The following KIZ variants were observed in gnomAD, a reference collection of about 807,000 sequenced individuals.
KIZ encodes the protein centrosomal protein kizuna.
A neutral mutation model predicts 79.6 loss-of-function variants in KIZ; 68 were observed. The observed-to-expected ratio is 0.85, with a 90% CI of 0.70 to 1.05. The LOEUF (loss-of-function observed/expected upper bound fraction) is 1.05, where lower values mean the gene tolerates loss of function less well. Among genes scored for constraint, KIZ ranks in the 50% least tolerant of loss-of-function variants. KIZ has a pLI of 0.00. For synonymous variants in KIZ, 280 were observed against 281.8 expected (o/e 0.99, Z 0.06); for missense variants, 797 against 800.4 (o/e 1.00, Z 0.05).
At chr20:21,134,378 C>T (rs924944110) in intron 2 of KIZ, among the ~76,000 whole-genome samples, 3 of 152,086 alleles carry the variant, frequency 2.0e-5, no homozygotes, top group Non-Finnish European at 2.9e-5. Context: ...CAGCTCTGAG[C>T]CGGTGACCTT....
In KIZ at chr20:21,155,903, C is replaced by T. The variant is rs2033358408; in HGVS notation, c.406-5968C>T. On this transcript the variant is annotated intron_variant, in intron 4 of 12. Transcript: ENST00000619189. ...GCTGCTTTTTCTATTAGCTTTATTT[C>T]CTTATTATGATGGATTTCCATATAG... Among the ~76,000 whole-genome samples the T allele has an allele frequency of 2.0e-5, 3 of 152,048 alleles. No individual in the cohort carries two copies. The South Asian group carries it at 6.2e-4, about 32-fold the overall frequency.
chr20:21,189,141 A>G (rs534951422), intron 6 of KIZ, among the ~76,000 whole-genome samples: 11 of 152,266 alleles, frequency 7.2e-5, no homozygotes, highest in African/African-American at 2.6e-4. Context: ...ACCATCCTGC[A>G]TGCTGTTTAT....
intron 9 of KIZ, among the ~76,000 whole-genome samples, chr20:21,217,170 C>T (rs1401189848): frequency 6.6e-6 from 1 of 152,174 alleles, no homozygotes; most frequent in African/African-American, 2.4e-5. Context: ...CTTAGCAAAG[C>T]CATACACATT....
chr20:21,218,199 C>T (rs143877945), intron 9 of KIZ: 4 of 152,242 alleles, frequency 2.6e-5, no homozygotes, highest in African/African-American at 9.6e-5. Flanking sequence ...CCAATTTCCA[C>T]TTAGTCCCAT....
intron 12 of KIZ, chr20:21,245,315 G>T (rs2037352482): frequency 6.6e-6 from 1 of 152,106 alleles, no homozygotes; most frequent in Non-Finnish European, 1.5e-5. Flanking sequence ...ACCTACTGTG[G>T]GGGAGACAAG....
chr20:21,211,781 G>A (rs75900370), intron 7 of KIZ, among the ~76,000 whole-genome samples: 2,417 of 152,256 alleles, frequency 0.016, 70 homozygotes, highest in African/African-American at 0.056. Context: ...TGTTACAGAC[G>A]TTTTCCTGAC....
At chr20:21,187,812 T>C (rs2034948695) in intron 6 of KIZ, among the ~76,000 whole-genome samples, 1 of 152,244 alleles carries the variant, frequency 6.6e-6, no homozygotes, top group African/African-American at 2.4e-5. Flanking sequence ...ATAGAACTGA[T>C]TATAATGTCT....
chr20:21,230,693 G>A (rs1243171254), intron 10 of KIZ, among the ~76,000 whole-genome samples: 1 of 152,162 alleles, frequency 6.6e-6, no homozygotes, highest in Non-Finnish European at 1.5e-5. Context: ...GGGAGAGCCG[G>A]CCATTGTGGT....
chr20:21,164,233 C>G (rs1010375587), intron 6 of KIZ, among the ~76,000 whole-genome samples: 2 of 152,178 alleles, frequency 1.3e-5, no homozygotes, highest in Non-Finnish European at 2.9e-5. Context: ...TGCCTCTTAC[C>G]ATTCATTGTC....
At chr20:21,137,766 AT>A (rs1188624686) in intron 3 of KIZ, among the ~76,000 whole-genome samples, 1 of 152,084 alleles carries the variant, frequency 6.6e-6, no homozygotes, top group Admixed American at 6.5e-5. Flanking sequence ...GTCTAAGAAG[AT>A]TAAAAATGAT....
At chr20:21,235,530 A>G (rs2036975212) in intron 11 of KIZ, among the ~76,000 whole-genome samples, 1 of 152,176 alleles carries the variant, frequency 6.6e-6, no homozygotes, top group Non-Finnish European at 1.5e-5. Context: ...TCAGGGGTGC[A>G]TGCCAGAGCT....
intron 3 of KIZ, among the ~76,000 whole-genome samples, chr20:21,141,823 A>ACT (rs1229173337): frequency 0.033 from 3,397 of 103,936 alleles, 56 homozygotes; most frequent in Middle Eastern, 0.083. Context: ...ACACACACAC[A>ACT]CTCTCTCTCT....
At chr20:21,155,036 G>A (rs2033307833) in intron 4 of KIZ, among the ~76,000 whole-genome samples, 3 of 152,170 alleles carry the variant, frequency 2.0e-5, no homozygotes, top group Admixed American at 2.0e-4. Flanking sequence ...CTCATTTTTT[G>A]TTATAAAAGT....
chr20:21,207,319 A>G (rs898333706), intron 7 of KIZ, among the ~76,000 whole-genome samples: 3 of 151,754 alleles, frequency 2.0e-5, no homozygotes, highest in East Asian at 1.9e-4. Flanking sequence ...CTTTTTTTTT[A>G]TAACATTTCA....
At chr20:21,139,378 T>TA (rs1035954220) in intron 3 of KIZ, among the ~76,000 whole-genome samples, 6 of 152,146 alleles carry the variant, frequency 3.9e-5, no homozygotes, top group Admixed American at 3.9e-4. Context: ...GAAACCAAGA[T>TA]ATATGGTTAA....
At chr20:21,187,308 C>G (rs183871950) in intron 6 of KIZ, among the ~76,000 whole-genome samples, 171 of 152,268 alleles carry the variant, frequency 1.1e-3, no homozygotes, top group Non-Finnish European at 1.7e-3. Context: ...CCAGGCATTT[C>G]ACTGTTATCA....
intron 6 of KIZ, among the ~76,000 whole-genome samples, chr20:21,190,011 G>A (rs1600493028): frequency 6.6e-6 from 1 of 152,302 alleles, no homozygotes; most frequent in South Asian, 2.1e-4. Flanking sequence ...GTTTAACTAT[G>A]TATGTGTTTG....
At chr20:21,134,894 G>A (rs991156545) in intron 2 of KIZ, among the ~76,000 whole-genome samples, 3 of 151,702 alleles carry the variant, frequency 2.0e-5, no homozygotes, top group Admixed American at 6.6e-5. Context: ...CTGGAACTCC[G>A]GACCTCAGGT....
At chr20:21,200,696 C>T (rs1040502542) in intron 6 of KIZ, among the ~76,000 whole-genome samples, 1 of 152,132 alleles carries the variant, frequency 6.6e-6, no homozygotes, top group Non-Finnish European at 1.5e-5. Flanking sequence ...TCCTGCCACT[C>T]ACCTCCTGCT....
Sources: gnomAD v4.1 joint callset for allele counts (sites outside exome capture counted in the v4.1 genomes callset) on GRCh38, gnomAD v4.1.1 for gene constraint, MANE v1.5 for transcripts, NCBI Gene and HGNC (gene_info 2026-07-23, HGNC 2026-07-21) for gene names.